The following DNAH12 variants were observed in gnomAD, a reference collection of about 807,000 sequenced individuals.
DNAH12 encodes the protein axonemal beta dynein heavy chain 12.
DNAH12 carries 285 observed loss-of-function variants against 371.5 expected under a neutral mutation model. The ratio of observed to expected loss-of-function variants is 0.77; its 90% CI spans 0.70 to 0.85. The LOEUF (loss-of-function observed/expected upper bound fraction) is 0.85, where lower values mean the gene tolerates loss of function less well. DNAH12 is among the 40% of genes least tolerant of loss of function. The pLI is 0.00. For synonymous variants in DNAH12, 1,200 were observed against 1,213.0 expected (o/e 0.99, Z 0.22); for missense variants, 3,611 against 3,689.4 (o/e 0.98, Z 0.55).
chr3:57,296,341 G>C lies in DNAH12; in HGVS notation c.11624+3C>G, dbSNP rs1348258272. The C allele has an allele frequency of 3.2e-6, 5 of 1,543,242 alleles. No individual in the cohort carries two copies. Among genetic ancestry groups the C allele is most frequent in the Non-Finnish European group, 3.5e-6 (4 of 1,140,998 alleles). On this transcript the variant is annotated splice_donor_region_variant and intron_variant, in intron 72 of 73. Coordinates refer to ENST00000495027, the MANE Select transcript of DNAH12 (RefSeq NM_001366028.2). ...AGAGGTCCTGGCAGCTGAATCCACTGACCTTTCTCGGTCCCAGCGTGCGCC... is the reference window on the plus strand; with the variant it reads ...AGAGGTCCTGGCAGCTGAATCCACTCACCTTTCTCGGTCCCAGCGTGCGCC...
At chr3:57,464,884 A>T (rs1164932025) in intron 17 of DNAH12, among the ~76,000 whole-genome samples, 1 of 152,248 alleles carries the variant, frequency 6.6e-6, no homozygotes, top group Non-Finnish European at 1.5e-5. Context: ...AGAAATGGAC[A>T]AATTCCTTAA....
the DNAH12 span, among the ~76,000 whole-genome samples, chr3:57,555,877 A>T: frequency 6.6e-6 from 1 of 152,236 alleles, no homozygotes; most frequent in East Asian, 1.9e-4. Flanking sequence ...TGGAGATGAA[A>T]TGGGCAACAC....
the DNAH12 span, among the ~76,000 whole-genome samples, chr3:57,551,760 T>A: frequency 6.6e-6 from 1 of 150,832 alleles, no homozygotes; most frequent in African/African-American, 2.4e-5. Flanking sequence ...TATTAATGAA[T>A]CCAAATATAT....
chr3:57,383,314 A>T (rs1196871501), intron 49 of DNAH12, among the ~76,000 whole-genome samples: 1 of 152,166 alleles, frequency 6.6e-6, no homozygotes, highest in African/African-American at 2.4e-5. Context: ...ACAGCATTTG[A>T]TATCAGGAAG....
rs1467436684 is a variant in DNAH12, at chr3:57,400,567, AAATT to A, written c.6948+2738_6948+2741del. On this transcript the variant is annotated intron_variant, in intron 43 of 73. Transcript: ENST00000495027. ...CATAACTATGATTAGATTAATTAAT[AAATT>A]AACAGCCAGACATTAACAACAAATA... 2.0e-4 allele frequency among the ~76,000 whole-genome samples: 31 copies of A among 152,358 alleles called. 2 individuals are homozygous for A. In the South Asian group the frequency reaches 5.8e-3, roughly 29 times the overall value.
intron 2 of DNAH12, among the ~76,000 whole-genome samples, chr3:57,534,272 T>C (rs1275389684): frequency 2.6e-5 from 4 of 152,206 alleles, no homozygotes; most frequent in African/African-American, 9.7e-5. Flanking sequence ...CAAGACTCTT[T>C]CCTGCCCTCT....
Position 57,495,760 on chromosome 3 carries a change from T to C in DNAH12, c.1335+5561A>G, listed in dbSNP as rs1377253373. ...ATATATGAATATTTTTATATATTTATATATTATTTTATATATTTTTATATA... is the reference window on the plus strand; with the variant it reads ...ATATATGAATATTTTTATATATTTACATATTATTTTATATATTTTTATATA... On this transcript the variant is annotated intron_variant, in intron 11 of 73. Coordinates refer to ENST00000495027, the MANE Select transcript of DNAH12 (RefSeq NM_001366028.2). 2.1e-5 allele frequency among the ~76,000 whole-genome samples: 3 copies of C among 144,250 alleles called. No homozygotes were observed. In the Admixed American group the frequency reaches 2.1e-4, roughly 10 times the overall value. 94.6% of individuals were successfully genotyped at this position (144,250 alleles called of 152,430 possible).
At chr3:57,492,842 T>TA (rs1385030625) in intron 11 of DNAH12, among the ~76,000 whole-genome samples, 2 of 151,916 alleles carry the variant, frequency 1.3e-5, no homozygotes, top group Non-Finnish European at 2.9e-5. Context: ...CTGTCTCTAC[T>TA]AAAAATACAA....
chr3:57,408,622 C>A, intron 39 of DNAH12, 87 bp from the exon 40 acceptor site: 1 of 1,356,880 alleles, frequency 7.4e-7, no homozygotes, highest in Non-Finnish European at 9.6e-7. Context: ...GAAATTTAAT[C>A]AGATTTTAGC....
At chr3:57,442,193 A>C (rs2065329207) in intron 29 of DNAH12, among the ~76,000 whole-genome samples, 1 of 152,192 alleles carries the variant, frequency 6.6e-6, no homozygotes, top group Non-Finnish European at 1.5e-5. Context: ...ATACTAAAGG[A>C]AGTTTTTTAG....
intron 44 of DNAH12, among the ~76,000 whole-genome samples, chr3:57,393,925 T>C (rs1339348757): frequency 2.0e-5 from 3 of 152,094 alleles, no homozygotes; most frequent in Non-Finnish European, 2.9e-5. Flanking sequence ...ACATGCTAAA[T>C]AACATTAAAC....
At chr3:57,482,117 C>T (rs1380565185) in intron 13 of DNAH12, among the ~76,000 whole-genome samples, 1 of 152,066 alleles carries the variant, frequency 6.6e-6, no homozygotes, top group African/African-American at 2.4e-5. Flanking sequence ...AAGAAACTAC[C>T]ATCAGAGTGA....
At chr3:57,492,077 A>C in intron 11 of DNAH12, among the ~76,000 whole-genome samples, 1 of 152,084 alleles carries the variant, frequency 6.6e-6, no homozygotes. Flanking sequence ...TGGAAGGATC[A>C]CTTGAGCCCA....
At chr3:57,462,957 A>T (rs1348319312) in intron 17 of DNAH12, 82 bp from the exon 18 acceptor site, 1 of 891,500 alleles carries the variant, frequency 1.1e-6, no homozygotes. Context: ...CCTTGATGAT[A>T]TAAGGGTTAC....
In DNAH12 at chr3:57,452,895, T is replaced by C; in HGVS notation, c.3734A>G (p.Asn1245Ser). The change falls in exon 25 of 74, where the codon AAC becomes AGC. Residue 1245 changes from asparagine to serine, a missense_variant. Physicochemically the swap from Asn to Ser is conservative, Grantham distance 46 (BLOSUM62 1). Transcript: ENST00000495027. The stretch of plus-strand genomic sequence containing the variant: ...AGGCGTAATGACAAGTCGAGGTGAG[T>C]TACCAAGATATTCATAAGCATATTT... ...NVKYAYEYLG[N>S]SPRLVITPLT... 1 of 1,551,090 alleles carries C rather than the reference T, an allele frequency of 6.4e-7. No individual in the cohort carries two copies. The highest frequency in any genetic ancestry group is 8.7e-7 in the Non-Finnish European group (1 of 1,146,866).
intron 65 of DNAH12, among the ~76,000 whole-genome samples, chr3:57,318,249 G>A (rs2061728878): frequency 6.6e-6 from 1 of 152,076 alleles, no homozygotes; most frequent in Non-Finnish European, 1.5e-5. Context: ...ATGTCGTGAA[G>A]CTTTCCTTCT....
intron 30 of DNAH12, 44 bp from the exon 31 acceptor site, chr3:57,433,872 A>C: frequency 7.1e-7 from 1 of 1,413,574 alleles, no homozygotes; most frequent in South Asian, 1.8e-5. Flanking sequence ...GTCTTTAAAG[A>C]GTTAAATAAT....
chr3:57,554,584 C>T, the DNAH12 span, among the ~76,000 whole-genome samples: 12 of 152,160 alleles, frequency 7.9e-5, no homozygotes, highest in Middle Eastern at 6.8e-3. Context: ...TTCTGGTCTA[C>T]AGGTAAAGCA....
chr3:57,419,281 G>T, intron 37 of DNAH12, 86 bp downstream of exon 37: 1 of 1,287,542 alleles, frequency 7.8e-7, no homozygotes, highest in South Asian at 1.6e-5. Context: ...GAAAAGGGAT[G>T]ATCTCGAATA....
Sources: gnomAD v4.1 joint callset for allele counts (sites outside exome capture counted in the v4.1 genomes callset) on GRCh38, gnomAD v4.1.1 for gene constraint, MANE v1.5 for transcripts, NCBI Gene and HGNC (gene_info 2026-07-23, HGNC 2026-07-21) for gene names.